RNF4: variants seen among roughly 807,000 people sequenced by gnomAD.
The protein encoded by RNF4 is E3 ubiquitin-protein ligase RNF4.
Under a neutral mutation model 24.3 loss-of-function variants are expected in RNF4, and 7 were observed. The observed-to-expected ratio is 0.29, with a 90% confidence interval of 0.16 to 0.54. The LOEUF is 0.54. Ranked by LOEUF, RNF4 falls within the 20% of genes least tolerant of loss-of-function variation. The probability of loss-of-function intolerance (pLI) is 0.95; values close to 1 mark genes in which losing one functional copy is unlikely to be tolerated. For missense variants in RNF4, 209 were observed against 248.5 expected (o/e 0.84, Z 1.07); for synonymous variants, 83 against 84.3 (o/e 0.98, Z 0.09).
At chr4:2,504,670 C>A (rs1016440308) in intron 4 of RNF4, among the ~76,000 whole-genome samples, 6 of 150,676 alleles carry the variant, frequency 4.0e-5, no homozygotes, top group South Asian at 2.1e-4. Context: ...CCTGCCTCAG[C>A]CTCCAGAGTA....
intron 3 of RNF4, 89 bp from the exon 4 acceptor site, chr4:2,500,570 A>ATAT (rs1735879785): frequency 8.1e-7 from 1 of 1,236,666 alleles, no homozygotes; most frequent in East Asian, 2.8e-5. Flanking sequence ...GGGTAAGCCT[A>ATAT]TAACATTAGC....
intron 4 of RNF4, chr4:2,505,538 G>C (rs1475934214): frequency 5.3e-5 from 8 of 149,880 alleles, no homozygotes; most frequent in African/African-American, 1.7e-4. Context: ...TGTTAGCCAG[G>C]ATGGTCTCGA....
chr4:2,491,969 T>C (rs999498806), intron 2 of RNF4, among the ~76,000 whole-genome samples: 2 of 151,238 alleles, frequency 1.3e-5, no homozygotes, highest in Non-Finnish European at 1.5e-5. Context: ...GAGGCCGAGG[T>C]GGGCGGATCA....
At chr4:2,507,420 C>T (rs1736135118) in intron 4 of RNF4, among the ~76,000 whole-genome samples, 1 of 152,224 alleles carries the variant, frequency 6.6e-6, no homozygotes, top group Admixed American at 6.5e-5. Flanking sequence ...CCCGACTTTC[C>T]TGCCAGTGCC....
chr4:2,508,911 C>CTTTTTTTT (rs66571775), intron 4 of RNF4, among the ~76,000 whole-genome samples: 15 of 62,632 alleles, frequency 2.4e-4, no homozygotes, highest in Admixed American at 6.0e-4. Context: ...TGCCCCAGGC[C>CTTTTTTTT]TTTTTTTTTT....
intron 2 of RNF4, among the ~76,000 whole-genome samples, chr4:2,496,055 G>T (rs1225211158): frequency 6.6e-6 from 1 of 152,228 alleles, no homozygotes; most frequent in Admixed American, 6.5e-5. Flanking sequence ...GCTGGTCAGA[G>T]TGTCAGTTGC....
At chr4:2,491,824 C>A (rs1452548569) in intron 2 of RNF4, among the ~76,000 whole-genome samples, 1 of 151,916 alleles carries the variant, frequency 6.6e-6, no homozygotes, top group Non-Finnish European at 1.5e-5. Context: ...GTCTCCAACT[C>A]CTGGAGTCAA....
At chr4:2,483,888 A>C (rs846178) in intron 1 of RNF4, among the ~76,000 whole-genome samples, 28,407 of 151,148 alleles carry the variant, frequency 0.19, 3,280 homozygotes, top group Middle Eastern at 0.3. Context: ...GCTGGAGTGC[A>C]ATGGTGCGAT....
chr4:2,476,704 CTTT>C (rs72435381), intron 1 of RNF4, among the ~76,000 whole-genome samples: 2 of 136,536 alleles, frequency 1.5e-5, no homozygotes, highest in Admixed American at 7.5e-5. Flanking sequence ...TTCTTTCTTT[CTTT>C]TTTTTTTTTT....
At chr4:2,475,690 T>C (rs889363549) in intron 1 of RNF4, among the ~76,000 whole-genome samples, 1 of 152,146 alleles carries the variant, frequency 6.6e-6, no homozygotes, top group African/African-American at 2.4e-5. Context: ...TGCCCTTTTG[T>C]CCAGGCTGGT....
At chr4:2,513,012 C>T in intron 6 of RNF4, 71 bp from the exon 7 acceptor site, 2 of 1,419,404 alleles carry the variant, frequency 1.4e-6, no homozygotes, top group Non-Finnish European at 1.0e-6. Flanking sequence ...GGATAGGGGC[C>T]ACTCACGTGA....
chr4:2,492,576 A>G (rs1294752051), intron 2 of RNF4, among the ~76,000 whole-genome samples: 1 of 152,252 alleles, frequency 6.6e-6, no homozygotes, highest in East Asian at 1.9e-4. Flanking sequence ...CCAGTGCTCC[A>G]GAAGTACTGT....
In RNF4 at chr4:2,512,309, A is replaced by C. The variant is rs1736291016; in HGVS notation, c.215-129A>C. On this transcript the variant is annotated intron_variant, in intron 5 of 7. Coordinates refer to ENST00000314289, the MANE Select transcript of RNF4 (RefSeq NM_002938.5). The surrounding 1 kb of genome is among the most constrained non-coding windows in gnomAD (Gnocchi z 4.1). ...AGAACCTTCTGGGTTATAGCTGAGC[A>C]TGGCAGCAGTTTGTCTCTGGGGGTC... 14 of 1,103,648 alleles carry C rather than the reference A, an allele frequency of 1.3e-5. No homozygotes were observed. In the South Asian group the frequency reaches 1.9e-4, roughly 15 times the overall value. The allele number at this position is 1,103,648 out of a possible 1,614,324, so 68.4% of individuals were successfully genotyped here. A position where few individuals can be genotyped will look rare whatever the true frequency, so the allele number is the denominator to read the frequency against.
intron 1 of RNF4, among the ~76,000 whole-genome samples, chr4:2,485,172 T>C (rs1183373001): frequency 6.6e-6 from 1 of 152,196 alleles, no homozygotes; most frequent in Admixed American, 6.6e-5. Context: ...GGGCTGGGAC[T>C]GCGACTCCTT....
chr4:2,496,987 CT>C lies in RNF4; in HGVS notation c.10-17del, dbSNP rs759777847. 1.9e-5 allele frequency: 29 copies of C among 1,561,072 alleles called. 1 individual carries two copies. The highest frequency in any genetic ancestry group is 5.2e-6 in the Non-Finnish European group (6 of 1,148,434). On this transcript the variant is annotated intron_variant, in intron 2 of 7. Transcript: ENST00000314289. Reference sequence around the variant, plus strand: ...ACATTCTGGTGTTCATGTGACTCTTCTTTCCCCCTTGCTACTCAGAGAAAGC... The same window carrying C: ...ACATTCTGGTGTTCATGTGACTCTTCTTCCCCCTTGCTACTCAGAGAAAGC...
chr4:2,491,838 A>G (rs906257676), intron 2 of RNF4, among the ~76,000 whole-genome samples: 2 of 151,912 alleles, frequency 1.3e-5, no homozygotes, highest in South Asian at 2.1e-4. Flanking sequence ...GAGTCAAGCA[A>G]TCCTTTCACC....
intron 1 of RNF4, among the ~76,000 whole-genome samples, chr4:2,489,556 G>A (rs141642997): frequency 4.4e-3 from 676 of 152,256 alleles, no homozygotes; most frequent in Middle Eastern, 0.014. Flanking sequence ...CCTCTGTGGG[G>A]GAGCCTGATA....
chr4:2,479,670 CTCTT>C (rs1735189718), intron 1 of RNF4, among the ~76,000 whole-genome samples: 1 of 152,124 alleles, frequency 6.6e-6, no homozygotes, highest in African/African-American at 2.4e-5. Flanking sequence ...TTCATTAAAC[CTCTT>C]TCTTTTGTAA....
At chr4:2,510,437 C>G (rs1480744952) in intron 4 of RNF4, among the ~76,000 whole-genome samples, 3 of 152,166 alleles carry the variant, frequency 2.0e-5, no homozygotes, top group Admixed American at 1.3e-4. Flanking sequence ...TACTGCAGAC[C>G]CTTTCTAGGG....
Sources: allele counts gnomAD v4.1 joint callset (sites outside exome capture counted in the v4.1 genomes callset), GRCh38; gene constraint gnomAD v4.1.1; non-coding constraint Gnocchi (gnomAD v3.1); transcripts MANE v1.5; gene names NCBI Gene and HGNC (gene_info 2026-07-23, HGNC 2026-07-21).